The following FAM107A variants were observed in gnomAD, a reference collection of about 807,000 sequenced individuals.
FAM107A encodes family with sequence similarity 107 member A.
Under a neutral mutation model 13.7 loss-of-function variants are expected in FAM107A, and 19 were observed. That is an observed-to-expected ratio of 1.38 (90% CI 0.97 to 2.03). FAM107A has a LOEUF of 2.03. Among genes scored for constraint, FAM107A ranks in the 30% most tolerant of loss-of-function variants. FAM107A has a pLI of 0.00. For missense variants in FAM107A, 203 were observed against 184.4 expected (o/e 1.10, Z -0.58); for synonymous variants, 82 against 74.5 (o/e 1.10, Z -0.52).
At chr3:58,580,133 C>T (rs547347401), upstream of FAM107A, among the ~76,000 whole-genome samples, 9 of 152,154 alleles carry the variant, frequency 5.9e-5, no homozygotes, top group South Asian at 8.3e-4. Flanking sequence ...CACCCCAAGA[C>T]GAGATGCAGC....
exon 1 of FAM107A, chr3:58,587,022 C>A (rs947535905): frequency 1.5e-6 from 2 of 1,375,908 alleles, no homozygotes; most frequent in East Asian, 3.1e-5. Flanking sequence ...AGCGCCTCCG[C>A]GACGGTGACG....
At chr3:58,568,810 A>C (rs1276652602) in intron 2 of FAM107A, among the ~76,000 whole-genome samples, 1 of 152,204 alleles carries the variant, frequency 6.6e-6, no homozygotes, top group Non-Finnish European at 1.5e-5. Context: ...GGTTAGCAGG[A>C]GTATTTCCCA....
intron 1 of FAM107A, among the ~76,000 whole-genome samples, chr3:58,592,570 T>C (rs2065662546): frequency 6.6e-6 from 1 of 152,192 alleles, no homozygotes; most frequent in African/African-American, 2.4e-5. Flanking sequence ...TTCCCACCTC[T>C]ATACAGTCCG....
At chr3:58,626,888 T>A (rs1002855109) in intron 1 of FAM107A, 1 of 1,341,540 alleles carries the variant, frequency 7.5e-7, no homozygotes, top group Non-Finnish European at 1.0e-6. Context: ...AGCTGCAGGG[T>A]AGGTGGGTCG....
At chr3:58,607,486 G>A (rs2065805897) in intron 1 of FAM107A, among the ~76,000 whole-genome samples, 1 of 152,286 alleles carries the variant, frequency 6.6e-6, no homozygotes, top group African/African-American at 2.4e-5. Context: ...AGTAGAGGGT[G>A]GGTGGGAGCT....
upstream of FAM107A, among the ~76,000 whole-genome samples, chr3:58,590,888 G>A (rs939606374): frequency 1.3e-5 from 2 of 152,166 alleles, no homozygotes; most frequent in Non-Finnish European, 1.5e-5. Flanking sequence ...CTTTTAAAGC[G>A]TAACTCAGAC....
intron 1 of FAM107A, among the ~76,000 whole-genome samples, chr3:58,586,462 G>A (rs1216630291): frequency 1.3e-5 from 2 of 152,196 alleles, no homozygotes; most frequent in African/African-American, 4.8e-5. Flanking sequence ...AATGACGTGA[G>A]GATTGTTTGA....
chr3:58,599,493 C>T (rs1373403570), intron 1 of FAM107A, among the ~76,000 whole-genome samples: 1 of 152,112 alleles, frequency 6.6e-6, no homozygotes, highest in Non-Finnish European at 1.5e-5. Context: ...TGTTATGAAT[C>T]TAGGTTTGTC....
intron 1 of FAM107A, among the ~76,000 whole-genome samples, chr3:58,616,218 G>C (rs1017661415): frequency 2.2e-4 from 33 of 152,094 alleles, no homozygotes; most frequent in African/African-American, 7.7e-4. Flanking sequence ...ACTGCAGCTG[G>C]ACAGGAGCTA....
chr3:58,583,324 T>C (rs1032054346), intron 1 of FAM107A, among the ~76,000 whole-genome samples: 2 of 152,204 alleles, frequency 1.3e-5, no homozygotes, highest in African/African-American at 4.8e-5. Flanking sequence ...CTTACTCTAA[T>C]ATTAAGAAAT....
chr3:58,611,642 G>A (rs1364425568), intron 1 of FAM107A, among the ~76,000 whole-genome samples: 1 of 152,232 alleles, frequency 6.6e-6, no homozygotes, highest in Non-Finnish European at 1.5e-5. Context: ...ACCTGGGCAA[G>A]TGGGTGGCTC....
chr3:58,578,720 G>A (rs1315816999), upstream of FAM107A, among the ~76,000 whole-genome samples: 2 of 152,152 alleles, frequency 1.3e-5, no homozygotes, highest in Non-Finnish European at 2.9e-5. Context: ...GTTTTCTATC[G>A]TTTAGTGTCA....
At chr3:58,577,640 G>A (rs1575443447), upstream of FAM107A, 10 of 985,180 alleles carry the variant, frequency 1.0e-5, no homozygotes, top group Middle Eastern at 5.2e-4. The surrounding 1 kb of genome is among the most constrained non-coding windows in gnomAD (Gnocchi z 4.9). Context: ...TAAGAAACAC[G>A]CCAAGCTTTG....
intron 1 of FAM107A, among the ~76,000 whole-genome samples, chr3:58,598,009 C>A (rs78857001): frequency 0.037 from 5,590 of 152,248 alleles, 212 homozygotes; most frequent in East Asian, 0.16. Context: ...GTGCCAGCCT[C>A]CCTACCTGGC....
Position 58,604,590 on chromosome 3 carries a change from G to A in FAM107A, c.-69-15321C>T, listed in dbSNP as rs1575452672. ...CCTGGGCCCCATAAGATCAATCAGC[G>A]GGACCTCAGGATGTGTGGACTGAAT... On this transcript the variant is annotated intron_variant, in intron 1 of 3. Coordinates refer to the FAM107A transcript ENST00000465970. The surrounding 1 kb of genome is among the most constrained non-coding windows in gnomAD (Gnocchi z 4.1). 6.6e-6 allele frequency among the ~76,000 whole-genome samples: 1 copy of A among 152,132 alleles called. No individual in the cohort carries two copies. Among genetic ancestry groups the A allele is most frequent in the Non-Finnish European group, 1.5e-5 (1 of 68,028 alleles).
upstream of FAM107A, among the ~76,000 whole-genome samples, chr3:58,590,001 G>T (rs1293260462): frequency 6.6e-6 from 1 of 152,168 alleles, no homozygotes; most frequent in African/African-American, 2.4e-5. Flanking sequence ...GGTCCTTAGG[G>T]CCAGTTCTTG....
At chr3:58,577,574 A>G, upstream of FAM107A, 1 of 985,460 alleles carries the variant, frequency 1.0e-6, no homozygotes, top group Non-Finnish European at 1.2e-6. This position sits in a 1 kb window ranked among gnomAD's most constrained non-coding sequence, Gnocchi z 4.9. Context: ...CATCATGTCC[A>G]AGCCACACGC....
Position 58,567,377 on chromosome 3 carries a change from G to T in FAM107A, c.171-13C>A, listed in dbSNP as rs771173416. On this transcript the variant is annotated splice_polypyrimidine_tract_variant and intron_variant, in intron 2 of 3. Coordinates refer to ENST00000360997, the MANE Select transcript of FAM107A (RefSeq NM_001076778.3). ...CACACCAAGGCCCCTGGGGTGGGAA[G>T]TGGGGAGCTGTCAGGAGACCATCAC... The T allele has an allele frequency of 6.2e-7, 1 of 1,605,150 alleles. No individual in the cohort carries two copies. The highest frequency in any genetic ancestry group is 2.2e-5 in the East Asian group (1 of 44,504).
chr3:58,600,898 G>T (rs1286062167), intron 1 of FAM107A, among the ~76,000 whole-genome samples: 3 of 152,092 alleles, frequency 2.0e-5, no homozygotes, highest in Non-Finnish European at 2.9e-5. Flanking sequence ...ACCCTCACAG[G>T]TCTCCCTTCG....
Sources: allele counts gnomAD v4.1 joint callset (sites outside exome capture counted in the v4.1 genomes callset), GRCh38; gene constraint gnomAD v4.1.1; non-coding constraint Gnocchi (gnomAD v3.1); transcripts MANE v1.5; gene names NCBI Gene and HGNC (gene_info 2026-07-23, HGNC 2026-07-21).